The following IL1RN variants were observed in gnomAD, a reference collection of about 807,000 sequenced individuals.
IL1RN encodes interleukin 1 receptor antagonist, also known as interleukin-1 receptor antagonist protein.
Under a neutral mutation model 13.7 loss-of-function variants are expected in IL1RN, and 10 were observed. That is an observed-to-expected ratio of 0.73 (90% CI 0.45 to 1.24). The LOEUF is 1.24. IL1RN is among the 50% of genes most tolerant of loss of function. The pLI is 0.00. For missense variants in IL1RN, 213 were observed against 222.1 expected (o/e 0.96, Z 0.26); for synonymous variants, 102 against 82.7 (o/e 1.23, Z -1.27).
chr2:113,124,311 T>C (rs989784823), upstream of IL1RN, among the ~76,000 whole-genome samples: 1 of 152,118 alleles, frequency 6.6e-6, no homozygotes, highest in Non-Finnish European at 1.5e-5. Context: ...GCAGAAATCA[T>C]AAGGACGCCA....
upstream of IL1RN, among the ~76,000 whole-genome samples, chr2:113,116,439 G>T (rs999653132): frequency 6.7e-6 from 1 of 150,300 alleles, no homozygotes; most frequent in Non-Finnish European, 1.5e-5. Context: ...AGGCGGAAGA[G>T]AACAGGAAGT....
At chr2:113,108,723 T>A (rs543178585), upstream of IL1RN, among the ~76,000 whole-genome samples, 1 of 152,208 alleles carries the variant, frequency 6.6e-6, no homozygotes, top group South Asian at 2.1e-4. Flanking sequence ...ACCTTGGATG[T>A]CAGTAAAAAA....
At chr2:113,105,388 C>G (rs1299877325), upstream of IL1RN, among the ~76,000 whole-genome samples, 2 of 152,180 alleles carry the variant, frequency 1.3e-5, no homozygotes, top group Non-Finnish European at 2.9e-5. Context: ...ACTTATCATC[C>G]TGCTCAGTAA....
rs371472986 is a variant in IL1RN at position 113,132,826 on chromosome 2, C to G, written c.489C>G (p.Asp163Glu). The G allele has an allele frequency of 1.2e-6, 2 of 1,614,122 alleles. No homozygotes were observed. Among genetic ancestry groups the G allele is most frequent in the African/African-American group, 2.7e-5 (2 of 74,946 alleles). The change falls in exon 4 of 4, where the codon GAC (aspartate) becomes GAG (glutamate). Residue 163 changes from aspartate to glutamate, a missense_variant. Physicochemically the swap from Asp to Glu is conservative, Grantham distance 45. Coordinates refer to ENST00000409930, the MANE Select transcript of IL1RN (RefSeq NM_173842.3). The part of the protein sequence containing the change: ...DQPVSLTNMP[D>E]EGVMVTKFYF... ...CCGTCAGCCTCACCAATATGCCTGA[C>G]GAAGGCGTCATGGTCACCAAATTCT...
chr2:113,119,702 A>G (rs576461849), intron 1 of IL1RN, among the ~76,000 whole-genome samples: 8 of 152,328 alleles, frequency 5.3e-5, no homozygotes, highest in Admixed American at 3.9e-4. Context: ...ATCCCAAAAT[A>G]TTTTGAACTG....
chr2:113,100,341 AGG>A, the IL1RN span, among the ~76,000 whole-genome samples: 2 of 147,526 alleles, frequency 1.4e-5, no homozygotes, highest in Admixed American at 6.7e-5. Flanking sequence ...AAAAAAAAAA[AGG>A]CTGGAAAACT....
chr2:113,124,635 G>A (rs1334249792), upstream of IL1RN, among the ~76,000 whole-genome samples: 1 of 152,168 alleles, frequency 6.6e-6, no homozygotes, highest in Non-Finnish European at 1.5e-5. Context: ...CCAAGTGCCA[G>A]GGTCAGGGCA....
chr2:113,128,755 G>A (rs1397892005), intron 1 of IL1RN, among the ~76,000 whole-genome samples: 1 of 152,200 alleles, frequency 6.6e-6, no homozygotes, highest in African/African-American at 2.4e-5. Context: ...GGTACAGTTA[G>A]CCACACTTCA....
chr2:113,125,694 C>T (rs1381199821), upstream of IL1RN, among the ~76,000 whole-genome samples: 1 of 152,234 alleles, frequency 6.6e-6, no homozygotes, highest in Non-Finnish European at 1.5e-5. Flanking sequence ...TGAAAATAGA[C>T]TCATCAAGAT....
rs1558867545 is a variant in IL1RN at position 113,127,753 on chromosome 2, C to T, written c.116+13C>T. Reference sequence around the variant, plus strand: ...TGCAAGCCTTCAGGTAAGGCTACCCCAAGGAGGAGAAGGTGAGGGTGGATC... The same window carrying T: ...TGCAAGCCTTCAGGTAAGGCTACCCTAAGGAGGAGAAGGTGAGGGTGGATC... On this transcript the variant is annotated intron_variant, in intron 1 of 3. Coordinates refer to ENST00000409930, the MANE Select transcript of IL1RN (RefSeq NM_173842.3). The T allele has an allele frequency of 3.7e-6, 6 of 1,612,630 alleles. No individual in the cohort carries two copies. Among genetic ancestry groups the T allele is most frequent in the African/African-American group, 1.3e-5 (1 of 74,988 alleles).
intron 3 of IL1RN, 100 bp downstream of exon 3, chr2:113,131,257 G>C: frequency 1.3e-6 from 1 of 770,630 alleles, no homozygotes. Context: ...GGATTAGCTG[G>C]GTAGTTCTGT....
upstream of IL1RN, chr2:113,127,593 A>G: frequency 6.2e-7 from 1 of 1,612,248 alleles, no homozygotes. Context: ...TGGGCCCGCA[A>G]TGGCAGTCCA....
In IL1RN at chr2:113,129,626, T is replaced by C; in HGVS notation, c.167T>C (p.Val56Ala). 1 of 1,613,506 alleles carries C rather than the reference T, an allele frequency of 6.2e-7. No individual in the cohort carries two copies. The highest frequency in any genetic ancestry group is 1.1e-5 in the South Asian group (1 of 91,072). ...TTCTATCTGAGGAACAACCAACTAG[T>C]TGCTGGATACTTGCAAGGACCAAAT... is the stretch of plus-strand genomic sequence containing the variant. ...KTFYLRNNQLVAGYLQGPNVN... is the reference protein window; with the variant it reads ...KTFYLRNNQLAAGYLQGPNVN... The change falls in exon 2 of 4, where the codon GTT (valine) becomes GCT (alanine). Residue 56 changes from valine (V) to alanine (A), a missense_variant. By Grantham distance (64) the Val-to-Ala change is moderately conservative (BLOSUM62 0). Transcript: ENST00000409930.
chr2:113,127,622 A>T lies in IL1RN; in HGVS notation c.-3A>T, dbSNP rs775537994. Reference sequence around the variant, plus strand: ...CAGTCCACTGCCTTGCTGCAGTCACAGAATGGAAATCTGCAGAGGCCTCCG... The same window carrying T: ...CAGTCCACTGCCTTGCTGCAGTCACTGAATGGAAATCTGCAGAGGCCTCCG... On this transcript the variant is annotated 5_prime_UTR_variant, in exon 1 of 4. Coordinates refer to ENST00000409930, the MANE Select transcript of IL1RN (RefSeq NM_173842.3). The T allele has an allele frequency of 4.3e-6, 7 of 1,613,822 alleles. No homozygotes were observed. In the African/African-American group the frequency reaches 9.3e-5, roughly 22 times the overall value.
At chr2:113,113,850 T>A (rs905732586), upstream of IL1RN, among the ~76,000 whole-genome samples, 7 of 152,244 alleles carry the variant, frequency 4.6e-5, 1 homozygote, top group Admixed American at 4.6e-4. Flanking sequence ...CATGCATTAC[T>A]GAACCCACGG....
upstream of IL1RN, among the ~76,000 whole-genome samples, chr2:113,114,658 TG>T (rs1416528243): frequency 6.6e-6 from 1 of 151,950 alleles, no homozygotes; most frequent in East Asian, 1.9e-4. Flanking sequence ...AGTGTGTGTG[TG>T]TCTGTGTTTG....
chr2:113,120,960 TTTC>T (rs758115060), intron 2 of IL1RN, among the ~76,000 whole-genome samples: 81 of 150,252 alleles, frequency 5.4e-4, no homozygotes, highest in South Asian at 2.3e-3. Flanking sequence ...CCTTGAGTAG[TTTC>T]TTCTTCTTCT....
upstream of IL1RN, among the ~76,000 whole-genome samples, chr2:113,116,850 G>A (rs571421612): frequency 2.9e-4 from 44 of 152,320 alleles, 1 homozygote; most frequent in Admixed American, 7.8e-4. Flanking sequence ...TGTCATTCAT[G>A]CTTCCGGTGA....
At chr2:113,129,061 C>T (rs1687064829) in intron 1 of IL1RN, among the ~76,000 whole-genome samples, 1 of 152,216 alleles carries the variant, frequency 6.6e-6, no homozygotes, top group Non-Finnish European at 1.5e-5. Flanking sequence ...TCTCTTGAAA[C>T]TTCTACCTAG....
Sources: gnomAD v4.1 joint callset for allele counts (sites outside exome capture counted in the v4.1 genomes callset) on GRCh38, gnomAD v4.1.1 for gene constraint, MANE v1.5 for transcripts, NCBI Gene and HGNC (gene_info 2026-07-23, HGNC 2026-07-21) for gene names.